DOCK4: variants seen among roughly 807,000 people sequenced by gnomAD.
The protein encoded by DOCK4 is dedicator of cytokinesis 4.
In DOCK4, 97 loss-of-function variants were observed where a neutral mutation model predicts 268.1. The ratio of observed to expected loss-of-function variants is 0.36; its 90% CI spans 0.31 to 0.43. DOCK4 has a LOEUF of 0.43. Ranked by LOEUF, DOCK4 falls within the 20% of genes least tolerant of loss-of-function variation. The pLI, the probability that DOCK4 is intolerant of heterozygous loss-of-function variation, is 1.00. For missense variants in DOCK4, 2,145 were observed against 2,455.7 expected, an observed-to-expected ratio of 0.87 and a Z score of 2.67; for synonymous variants, 954 against 887.2, an observed-to-expected ratio of 1.08 and a Z score of -1.34.
chr7:111,816,579 A>AT (rs1412922336), intron 27 of DOCK4, among the ~76,000 whole-genome samples: 11 of 152,220 alleles, frequency 7.2e-5, no homozygotes, highest in South Asian at 4.1e-4. Context: ...CATCCTTCTT[A>AT]TTTTGAGGAC....
intron 1 of DOCK4, among the ~76,000 whole-genome samples, chr7:112,122,550 C>G (rs988300396): frequency 6.6e-6 from 1 of 152,134 alleles, no homozygotes; most frequent in African/African-American, 2.4e-5. Flanking sequence ...GGATTACAAG[C>G]GTTAGCCACC....
At chr7:112,099,577 T>C (rs889154890) in intron 1 of DOCK4, among the ~76,000 whole-genome samples, 3 of 152,202 alleles carry the variant, frequency 2.0e-5, no homozygotes, top group Admixed American at 6.5e-5. Flanking sequence ...GCAACTATCA[T>C]AGCACATGGT....
At chr7:112,183,301 C>A (rs1336424611) in intron 1 of DOCK4, among the ~76,000 whole-genome samples, 1 of 152,060 alleles carries the variant, frequency 6.6e-6, no homozygotes, top group African/African-American at 2.4e-5. Flanking sequence ...GAGCTCTTAA[C>A]AAAGATACTA....
intron 9 of DOCK4, 77 bp from the exon 10 acceptor site, chr7:111,944,948 TAAAAG>T: frequency 8.3e-7 from 1 of 1,205,950 alleles, no homozygotes; most frequent in Non-Finnish European, 1.2e-6. Context: ...TTTTCACAAA[TAAAAG>T]AAGAAAGAGA....
At chr7:112,108,635 G>C (rs572112110) in intron 1 of DOCK4, among the ~76,000 whole-genome samples, 7 of 152,240 alleles carry the variant, frequency 4.6e-5, no homozygotes, top group South Asian at 2.1e-4. Context: ...TTAAAACTTA[G>C]ATCATTAAAA....
chr7:111,917,664 C>T (rs1030811111), intron 12 of DOCK4, among the ~76,000 whole-genome samples: 1 of 150,452 alleles, frequency 6.6e-6, no homozygotes, highest in African/African-American at 2.5e-5. Flanking sequence ...CGAGATCGCA[C>T]AGCTGCACTG....
intron 42 of DOCK4, among the ~76,000 whole-genome samples, chr7:111,748,688 A>G (rs1796436681): frequency 8.0e-6 from 1 of 125,022 alleles, no homozygotes; most frequent in African/African-American, 3.1e-5. Flanking sequence ...CTTTGGAAAA[A>G]CAGTTGAAGA....
chr7:112,172,447 C>G (rs1818169432), intron 1 of DOCK4, among the ~76,000 whole-genome samples: 1 of 152,166 alleles, frequency 6.6e-6, no homozygotes, highest in South Asian at 2.1e-4. Flanking sequence ...GGGAAGTGAA[C>G]TATTAGAAAA....
At chr7:112,056,318 C>G (rs1805814175) in intron 1 of DOCK4, among the ~76,000 whole-genome samples, 1 of 152,086 alleles carries the variant, frequency 6.6e-6, no homozygotes, top group African/African-American at 2.4e-5. Context: ...CACAGGAGAA[C>G]ATATTAAAAT....
At chr7:112,089,961 T>C (rs1440888673) in intron 1 of DOCK4, among the ~76,000 whole-genome samples, 2 of 152,208 alleles carry the variant, frequency 1.3e-5, no homozygotes, top group Non-Finnish European at 1.5e-5. Context: ...CTAATCCAAA[T>C]CTTGAAAGCT....
chr7:111,852,519 A>C (rs1413779956), intron 23 of DOCK4, among the ~76,000 whole-genome samples: 14 of 151,470 alleles, frequency 9.2e-5, no homozygotes, highest in East Asian at 5.8e-4. Context: ...AAAAAAAAAA[A>C]CCCTGAAAAT....
intron 12 of DOCK4, among the ~76,000 whole-genome samples, chr7:111,924,953 C>T (rs1793476727): frequency 6.6e-6 from 1 of 150,636 alleles, no homozygotes; most frequent in African/African-American, 2.4e-5. Flanking sequence ...GAGTAAAACA[C>T]AATTGGTGGA....
intron 1 of DOCK4, among the ~76,000 whole-genome samples, chr7:112,090,968 T>A (rs1809571280): frequency 6.6e-6 from 1 of 152,162 alleles, no homozygotes; most frequent in Non-Finnish European, 1.5e-5. Context: ...CGGGCTCACA[T>A]TCACCAAACA....
intron 1 of DOCK4, among the ~76,000 whole-genome samples, chr7:112,019,562 A>C (rs1363626258): frequency 6.6e-6 from 1 of 152,170 alleles, no homozygotes; most frequent in Non-Finnish European, 1.5e-5. Flanking sequence ...AATCTAAGTA[A>C]ATGGATCAAA....
intron 1 of DOCK4, among the ~76,000 whole-genome samples, chr7:112,178,023 A>G (rs1326443357): frequency 6.6e-6 from 1 of 152,178 alleles, no homozygotes; most frequent in African/African-American, 2.4e-5. Flanking sequence ...CAATCCAATA[A>G]ACAAATTGTA....
At chr7:111,779,819 A>C (rs763440746) in intron 35 of DOCK4, among the ~76,000 whole-genome samples, 2 of 152,228 alleles carry the variant, frequency 1.3e-5, no homozygotes, top group Non-Finnish European at 2.9e-5. Context: ...ATGAAGTTGG[A>C]TTCTAGTAAA....
intron 1 of DOCK4, among the ~76,000 whole-genome samples, chr7:112,023,037 C>T (rs1245753260): frequency 6.6e-6 from 1 of 152,156 alleles, no homozygotes; most frequent in Non-Finnish European, 1.5e-5. Context: ...CAGCGATTCT[C>T]CTGCCTTTGC....
intron 8 of DOCK4, among the ~76,000 whole-genome samples, chr7:111,955,131 C>T (rs1394704575): frequency 6.6e-6 from 1 of 152,204 alleles, no homozygotes; most frequent in East Asian, 1.9e-4. Context: ...CCCTCTTCCT[C>T]CCAACCACAT....
At chr7:111,839,544 T>A (rs1472598064) in intron 25 of DOCK4, among the ~76,000 whole-genome samples, 1 of 152,342 alleles carries the variant, frequency 6.6e-6, no homozygotes, top group East Asian at 1.9e-4. Context: ...TCAATATACA[T>A]AGGGGAACAA....
Sources: allele counts gnomAD v4.1 joint callset (sites outside exome capture counted in the v4.1 genomes callset), GRCh38; gene constraint gnomAD v4.1.1; transcripts MANE v1.5; gene names NCBI Gene and HGNC (gene_info 2026-07-23, HGNC 2026-07-21).